Variants in CAMTA1 observed in about 807,000 individuals in gnomAD.
The protein encoded by CAMTA1 is calmodulin binding transcription activator 1, also known as calmodulin-binding transcription activator 1.
Under a neutral mutation model 170.9 loss-of-function variants are expected in CAMTA1, and 27 were observed. That is an observed-to-expected ratio of 0.16 (90% confidence interval 0.12 to 0.22). The LOEUF (loss-of-function observed/expected upper bound fraction) is 0.22, where lower values mean the gene tolerates loss of function less well. CAMTA1 is among the 10% of genes least tolerant of loss of function. The pLI is 1.00. For missense variants in CAMTA1, 1,619 were observed against 2,217.2 expected (o/e 0.73, Z 5.42); for synonymous variants, 833 against 891.5 (o/e 0.93, Z 1.17).
chr1:7,186,896 C>CA, intron 4 of CAMTA1, among the ~76,000 whole-genome samples: 1 of 152,130 alleles, frequency 6.6e-6, no homozygotes, highest in Middle Eastern at 3.4e-3. Context: ...CAGGAGTCTT[C>CA]CCGGCGGGGG....
intron 4 of CAMTA1, among the ~76,000 whole-genome samples, chr1:7,176,591 G>C (rs1388005239): frequency 6.6e-6 from 1 of 152,158 alleles, no homozygotes; most frequent in Non-Finnish European, 1.5e-5. Context: ...TCTACAGCTC[G>C]TTCGCACTTT....
At chr1:6,812,369 C>T (rs908811641) in intron 1 of CAMTA1, among the ~76,000 whole-genome samples, 9 of 151,882 alleles carry the variant, frequency 5.9e-5, no homozygotes, top group East Asian at 3.9e-4. Context: ...CTTTTAGGAT[C>T]GAAATAAGAT....
chr1:7,734,429 A>G (rs753810613), intron 12 of CAMTA1, among the ~76,000 whole-genome samples: 2 of 152,240 alleles, frequency 1.3e-5, no homozygotes, highest in Non-Finnish European at 2.9e-5. Context: ...ACTGGCCTAG[A>G]ATCTCATCCC....
chr1:7,339,809 C>T (rs4908621), intron 5 of CAMTA1, among the ~76,000 whole-genome samples: 44,468 of 151,902 alleles, frequency 0.29, 7,905 homozygotes, highest in East Asian at 0.6. Context: ...GTTGGCCAGG[C>T]TGGTCTCAAA....
intron 4 of CAMTA1, among the ~76,000 whole-genome samples, chr1:7,126,772 CTTT>C (rs1275975346): frequency 6.6e-6 from 1 of 152,078 alleles, no homozygotes; most frequent in Non-Finnish European, 1.5e-5. Context: ...ACTGCCATTT[CTTT>C]TTTATGTTTT....
chr1:7,606,253 C>G (rs1316549260), intron 6 of CAMTA1, among the ~76,000 whole-genome samples: 1 of 152,178 alleles, frequency 6.6e-6, no homozygotes, highest in African/African-American at 2.4e-5. Context: ...TAGGAAACAG[C>G]CAGAGGATGC....
At chr1:7,061,440 C>T (rs1708192758) in intron 3 of CAMTA1, among the ~76,000 whole-genome samples, 1 of 152,228 alleles carries the variant, frequency 6.6e-6, no homozygotes, top group Non-Finnish European at 1.5e-5. Context: ...CTGCATCATT[C>T]TGAGTAGCGG....
chr1:7,760,901 A>T (rs1166207627), intron 22 of CAMTA1, among the ~76,000 whole-genome samples: 1 of 152,238 alleles, frequency 6.6e-6, no homozygotes, highest in African/African-American at 2.4e-5. Flanking sequence ...ATCACTGAGT[A>T]GATGTAATGA....
At position 6,828,286 on chromosome 1, in the gene CAMTA1, CTTTTTTTTTTT is replaced by C. The variant is rs746522147; in HGVS notation, c.234+3090_234+3100del. 1.0e-4 allele frequency among the ~76,000 whole-genome samples: 7 copies of C among 69,714 alleles called. No homozygotes were observed. The East Asian group carries it at 1.8e-3, about 18-fold the overall frequency. 45.7% of individuals were successfully genotyped at this position (69,714 alleles called of 152,430 possible). A position where few individuals can be genotyped will look rare whatever the true frequency, so the allele number is the denominator to read the frequency against. ...TGAGTGAGATTGTGCTCATTCCATCCTTTTTTTTTTTTTTTTTTTTTTTTGAGGTGGAGTCT... is the reference window on the plus strand; with the variant it reads ...TGAGTGAGATTGTGCTCATTCCATCCTTTTTTTTTTTTTGAGGTGGAGTCT... On this transcript the variant is annotated intron_variant, in intron 3 of 22. Transcript: ENST00000303635.
chr1:6,871,707 A>G, intron 3 of CAMTA1: 1 of 1,468,508 alleles, frequency 6.8e-7, no homozygotes, highest in Non-Finnish European at 9.2e-7. Flanking sequence ...GCTTGATTTT[A>G]AATTCTCAGA....
intron 4 of CAMTA1, among the ~76,000 whole-genome samples, chr1:7,119,827 TGTGC>T (rs1313432769): frequency 1.3e-5 from 2 of 152,336 alleles, no homozygotes; most frequent in African/African-American, 4.8e-5. Flanking sequence ...CAGAAAATGA[TGTGC>T]GTGGCCTTTT....
At chr1:7,442,196 T>A (rs1477880136) in intron 5 of CAMTA1, among the ~76,000 whole-genome samples, 1 of 152,188 alleles carries the variant, frequency 6.6e-6, no homozygotes, top group Non-Finnish European at 1.5e-5. Context: ...ATTAAGCACT[T>A]AAATTGATTA....
intron 11 of CAMTA1, among the ~76,000 whole-genome samples, chr1:7,707,981 A>G (rs2096539599): frequency 6.6e-6 from 1 of 152,206 alleles, no homozygotes; most frequent in African/African-American, 2.4e-5. Flanking sequence ...TTCACCCCAC[A>G]GGCAGTACAG....
intron 7 of CAMTA1, among the ~76,000 whole-genome samples, chr1:7,657,107 A>G (rs771434990): frequency 6.6e-6 from 1 of 152,218 alleles, no homozygotes; most frequent in Non-Finnish European, 1.5e-5. Flanking sequence ...AGGAGCCAGC[A>G]TCCTGCTTCC....
At chr1:6,943,564 C>A (rs1013311607) in intron 3 of CAMTA1, among the ~76,000 whole-genome samples, 14 of 152,140 alleles carry the variant, frequency 9.2e-5, no homozygotes, top group African/African-American at 2.6e-4. Flanking sequence ...ATACACATAA[C>A]GGGGCCAGGC....
At chr1:7,198,339 C>A (rs1252680312) in intron 4 of CAMTA1, among the ~76,000 whole-genome samples, 2 of 151,920 alleles carry the variant, frequency 1.3e-5, no homozygotes, top group African/African-American at 4.8e-5. Flanking sequence ...CCCCTACCCC[C>A]GACCTGTCAC....
At chr1:7,110,228 G>A (rs778879165) in intron 4 of CAMTA1, among the ~76,000 whole-genome samples, 22 of 152,148 alleles carry the variant, frequency 1.4e-4, no homozygotes, top group South Asian at 8.3e-4. Flanking sequence ...CATTTTCTGG[G>A]CCATGTAACC....
chr1:7,480,427 GAC>G (rs1179759003), intron 6 of CAMTA1, among the ~76,000 whole-genome samples: 2 of 151,864 alleles, frequency 1.3e-5, no homozygotes, highest in Middle Eastern at 3.4e-3. Context: ...GAGAGAGAGA[GAC>G]AGAGAGAGAT....
At position 7,441,771 on chromosome 1, in the gene CAMTA1, C is replaced by T. The variant is rs189121658; in HGVS notation, c.439-26059C>T. On this transcript the variant is annotated intron_variant, in intron 5 of 22. Coordinates refer to ENST00000303635, the MANE Select transcript of CAMTA1 (RefSeq NM_015215.4). ...CAGGAAGCTACTCAGTGTGCTTGTT[C>T]GTCTCGCTCATTAATTGGGCACAAA... Among the ~76,000 whole-genome samples the T allele has an allele frequency of 1.8e-3, 277 of 152,246 alleles. 4 individuals are homozygous for T. Among genetic ancestry groups the T allele is most frequent in the Admixed American group, 0.017 (266 of 15,296 alleles).
Sources: gnomAD v4.1 joint callset for allele counts (sites outside exome capture counted in the v4.1 genomes callset) on GRCh38, gnomAD v4.1.1 for gene constraint, MANE v1.5 for transcripts, NCBI Gene and HGNC (gene_info 2026-07-23, HGNC 2026-07-21) for gene names.